Variants in ECE1 observed in about 807,000 individuals in gnomAD.
ECE1 encodes endothelin-converting enzyme 1.
A neutral mutation model predicts 98.6 loss-of-function variants in ECE1; 35 were observed. That is an observed-to-expected ratio of 0.35 (90% CI 0.27 to 0.47). The LOEUF (loss-of-function observed/expected upper bound fraction) is 0.47. Ranked by LOEUF, ECE1 falls within the 20% of genes least tolerant of loss-of-function variation. The probability of loss-of-function intolerance (pLI) is 1.00; values close to 1 mark genes in which losing one functional copy is unlikely to be tolerated. For missense variants in ECE1, 814 were observed against 1,025.3 expected, an observed-to-expected ratio of 0.79 and a Z score of 2.81; for synonymous variants, 394 against 407.1, an observed-to-expected ratio of 0.97 and a Z score of 0.39.
At chr1:21,272,309 T>C (rs1016509797) in intron 4 of ECE1, among the ~76,000 whole-genome samples, 1 of 152,162 alleles carries the variant, frequency 6.6e-6, no homozygotes, top group Non-Finnish European at 1.5e-5. Context: ...TCTTGTTTTT[T>C]AGACAAGAGT....
intron 14 of ECE1, among the ~76,000 whole-genome samples, chr1:21,229,665 G>A (rs9426665): frequency 0.14 from 21,322 of 152,120 alleles, 3,506 homozygotes; most frequent in African/African-American, 0.4. Flanking sequence ...AATAATAATG[G>A]AAGGTTTTTC....
chr1:21,264,975 C>A (rs796641266), intron 4 of ECE1, among the ~76,000 whole-genome samples: 2 of 152,180 alleles, frequency 1.3e-5, no homozygotes, highest in Admixed American at 1.3e-4. Flanking sequence ...CAGCTACAAT[C>A]GCCTCTTCCC....
chr1:21,229,630 GCCA>G lies in ECE1; in HGVS notation c.1671-1592_1671-1590del, dbSNP rs779178816. Among the ~76,000 whole-genome samples, 19 of 152,212 alleles carry G rather than the reference GCCA, an allele frequency of 1.2e-4. No individual in the cohort carries two copies. In the East Asian group the frequency reaches 2.5e-3, roughly 20 times the overall value. ...TTAAAATTTTGAAAAACTTATATTG[GCCA>G]CCACAAGTTTGACACCTTACCAATA... On this transcript the variant is annotated intron_variant, in intron 14 of 18. Coordinates refer to ENST00000374893, the MANE Select transcript of ECE1 (RefSeq NM_001397.3).
At chr1:21,297,059 T>C (rs1259261144) in intron 1 of ECE1, among the ~76,000 whole-genome samples, 1 of 152,186 alleles carries the variant, frequency 6.6e-6, no homozygotes, top group African/African-American at 2.4e-5. Flanking sequence ...GCAGCAGCCC[T>C]GCCAGCCTGT....
chr1:21,338,377 G>C (rs1428426530), intron 1 of ECE1, among the ~76,000 whole-genome samples: 1 of 152,140 alleles, frequency 6.6e-6, no homozygotes, highest in African/African-American at 2.4e-5. Flanking sequence ...ACCTTATCCT[G>C]TGCCAAGTGC....
At chr1:21,279,138 G>A (rs1436020444) in intron 3 of ECE1, 53 bp downstream of exon 3, 31 of 1,613,660 alleles carry the variant, frequency 1.9e-5, no homozygotes, top group East Asian at 6.7e-5. Flanking sequence ...CCGAGCTGAC[G>A]GAGCCGGGTG....
intron 12 of ECE1, among the ~76,000 whole-genome samples, chr1:21,236,440 G>A (rs1373725188): frequency 6.6e-6 from 1 of 152,212 alleles, no homozygotes; most frequent in African/African-American, 2.4e-5. Context: ...ACCTGAGGTC[G>A]GGAGTTTGAG....
chr1:21,243,921 T>C (rs2098199815), intron 10 of ECE1, among the ~76,000 whole-genome samples: 1 of 152,180 alleles, frequency 6.6e-6, no homozygotes, highest in Non-Finnish European at 1.5e-5. Context: ...CCAGCTACCT[T>C]CTCCCTCAGT....
At chr1:21,318,441 T>C (rs1168792170) in intron 1 of ECE1, among the ~76,000 whole-genome samples, 2 of 151,990 alleles carry the variant, frequency 1.3e-5, no homozygotes, top group Non-Finnish European at 2.9e-5. Flanking sequence ...TTAACAAAGG[T>C]CAGCCTGGCC....
chr1:21,247,146 C>T (rs2098204811), intron 9 of ECE1, 75 bp downstream of exon 9: 5 of 1,608,018 alleles, frequency 3.1e-6, no homozygotes, highest in Non-Finnish European at 4.3e-6. Flanking sequence ...GACTGTCATC[C>T]CCACCCCTGC....
chr1:21,263,055 G>A (rs1280626099), intron 4 of ECE1, among the ~76,000 whole-genome samples: 1 of 152,216 alleles, frequency 6.6e-6, no homozygotes, highest in Non-Finnish European at 1.5e-5. Flanking sequence ...TTGAAGGGGA[G>A]GGCGGGAGGA....
chr1:21,260,468 C>T lies in ECE1; in HGVS notation c.494-76G>A, dbSNP rs542288597. 1.5e-5 allele frequency: 24 copies of T among 1,580,850 alleles called. No individual in the cohort carries two copies. The highest frequency in any genetic ancestry group is 5.4e-5 in the African/African-American group (4 of 74,372). On this transcript the variant is annotated intron_variant, in intron 4 of 18. Transcript: ENST00000374893. This position sits in a 1 kb window ranked among gnomAD's most constrained non-coding sequence, Gnocchi z 4.3. ...GTGGCTTTGGGGCAGTCCCTCTTTTCGGAGCCTTGGTGTTCTCAGCTGCAA... is the reference window on the plus strand; with the variant it reads ...GTGGCTTTGGGGCAGTCCCTCTTTTTGGAGCCTTGGTGTTCTCAGCTGCAA...
intron 1 of ECE1, among the ~76,000 whole-genome samples, chr1:21,323,757 C>T (rs929958938): frequency 6.6e-6 from 1 of 150,378 alleles, no homozygotes; most frequent in Admixed American, 6.6e-5. Context: ...GTGGGAGGGG[C>T]TAAGGGGAGC....
chr1:21,311,595 G>A (rs1638726266), intron 1 of ECE1, among the ~76,000 whole-genome samples: 1 of 151,490 alleles, frequency 6.6e-6, no homozygotes, highest in African/African-American at 2.4e-5. Flanking sequence ...TGGGAGGATC[G>A]CTTGAGCTCA....
chr1:21,338,904 G>A (rs1639351119), intron 1 of ECE1, among the ~76,000 whole-genome samples: 1 of 149,824 alleles, frequency 6.7e-6, no homozygotes, highest in South Asian at 2.1e-4. Flanking sequence ...TGCTGCCCCA[G>A]GCCCACCCTC....
intron 1 of ECE1, among the ~76,000 whole-genome samples, chr1:21,300,178 G>A (rs1387237874): frequency 3.3e-5 from 5 of 152,254 alleles, no homozygotes; most frequent in African/African-American, 4.8e-5. Context: ...TGTGGGACAC[G>A]CAGGGTTCCC....
At chr1:21,308,982 C>T (rs1172785557) in intron 1 of ECE1, among the ~76,000 whole-genome samples, 1 of 152,208 alleles carries the variant, frequency 6.6e-6, no homozygotes, top group Non-Finnish European at 1.5e-5. Context: ...TGGAGATTAT[C>T]ACAGTTTGCA....
intron 11 of ECE1, 117 bp from the exon 12 acceptor site, chr1:21,236,961 G>A: frequency 2.0e-6 from 2 of 1,022,666 alleles, no homozygotes; most frequent in African/African-American, 1.6e-5. Flanking sequence ...CAAGCGTCAG[G>A]CTGGGTGAGA....
intron 9 of ECE1, among the ~76,000 whole-genome samples, chr1:21,245,732 G>A (rs1169784744): frequency 1.3e-5 from 2 of 152,164 alleles, no homozygotes; most frequent in Non-Finnish European, 2.9e-5. Flanking sequence ...ATTTGTACAC[G>A]ACGGAGTACT....
Sources: allele counts gnomAD v4.1 joint callset (sites outside exome capture counted in the v4.1 genomes callset), GRCh38; gene constraint gnomAD v4.1.1; non-coding constraint Gnocchi (gnomAD v3.1); transcripts MANE v1.5; gene names NCBI Gene and HGNC (gene_info 2026-07-23, HGNC 2026-07-21).